The following FRMD4B variants were observed in gnomAD, a reference collection of about 807,000 sequenced individuals.
The protein encoded by FRMD4B is FERM domain-containing protein 4B.
In FRMD4B, 74 loss-of-function variants were observed where a neutral mutation model predicts 141.5. That is an observed-to-expected ratio of 0.52 (90% CI 0.43 to 0.63). The LOEUF (loss-of-function observed/expected upper bound fraction) is 0.63. Ranked by LOEUF, FRMD4B falls within the 30% of genes least tolerant of loss-of-function variation. The pLI is 0.00. For synonymous variants in FRMD4B, 506 were observed against 467.9 expected (o/e 1.08, Z -1.05); for missense variants, 1,366 against 1,253.4 (o/e 1.09, Z -1.36).
At chr3:69,466,208 C>T (rs958905808) in intron 1 of FRMD4B, among the ~76,000 whole-genome samples, 1 of 152,134 alleles carries the variant, frequency 6.6e-6, no homozygotes, top group Non-Finnish European at 1.5e-5. Flanking sequence ...AGTGTCTGTT[C>T]ATATCCTTTG....
At chr3:69,451,583 G>A (rs1705498978) in intron 1 of FRMD4B, among the ~76,000 whole-genome samples, 1 of 152,152 alleles carries the variant, frequency 6.6e-6, no homozygotes, top group Non-Finnish European at 1.5e-5. Flanking sequence ...CCACCCACAA[G>A]TGCAGAGACA....
intron 5 of FRMD4B, among the ~76,000 whole-genome samples, chr3:69,270,359 A>C (rs1176077468): frequency 6.6e-6 from 1 of 152,230 alleles, no homozygotes; most frequent in Non-Finnish European, 1.5e-5. Flanking sequence ...GAAGCACTGC[A>C]GGAAGGAAAA....
intron 11 of FRMD4B, among the ~76,000 whole-genome samples, chr3:69,205,928 C>T (rs28456076): frequency 0.013 from 2,002 of 152,280 alleles, 52 homozygotes; most frequent in African/African-American, 0.045. Context: ...AAATGCTACC[C>T]ACTAGAGGGG....
intron 1 of FRMD4B, among the ~76,000 whole-genome samples, chr3:69,384,298 C>T (rs1328572351): frequency 6.6e-6 from 1 of 152,186 alleles, no homozygotes; most frequent in Admixed American, 6.5e-5. Flanking sequence ...TTGAATTGGT[C>T]AGTAACAGTA....
At chr3:69,419,741 G>A (rs757515328) in intron 2 of FRMD4B, among the ~76,000 whole-genome samples, 2 of 152,196 alleles carry the variant, frequency 1.3e-5, no homozygotes, top group African/African-American at 2.4e-5. Context: ...AAGAGGCCTT[G>A]TAAAGTCAAG....
intron 1 of FRMD4B, among the ~76,000 whole-genome samples, chr3:69,482,916 C>T (rs879858570): frequency 6.7e-6 from 1 of 149,446 alleles, no homozygotes; most frequent in Non-Finnish European, 1.5e-5. Flanking sequence ...AACACCAATT[C>T]TACCCCCTGT....
At chr3:69,262,407 C>G (rs2093533230) in intron 5 of FRMD4B, among the ~76,000 whole-genome samples, 1 of 147,704 alleles carries the variant, frequency 6.8e-6, no homozygotes, top group Non-Finnish European at 1.5e-5. Context: ...GCACTAGGAT[C>G]TTCAAAGCAG....
chr3:69,539,669 A>G (rs1701136206), intron 1 of FRMD4B, among the ~76,000 whole-genome samples: 2 of 152,306 alleles, frequency 1.3e-5, no homozygotes, highest in Non-Finnish European at 2.9e-5. Flanking sequence ...GTTTAAATGC[A>G]TTACACCTGC....
chr3:69,260,737 G>A (rs2093521730), intron 5 of FRMD4B, among the ~76,000 whole-genome samples: 1 of 152,262 alleles, frequency 6.6e-6, no homozygotes, highest in Admixed American at 6.5e-5. Context: ...GGAACTTGGA[G>A]AACTTTTATG....
chr3:69,337,739 A>G (rs977314024), intron 1 of FRMD4B, among the ~76,000 whole-genome samples: 2 of 152,254 alleles, frequency 1.3e-5, no homozygotes, highest in South Asian at 2.1e-4. Flanking sequence ...GAGAAATGCA[A>G]ATCAAAACCA....
intron 11 of FRMD4B, among the ~76,000 whole-genome samples, chr3:69,216,048 G>A (rs1433249687): frequency 6.6e-6 from 1 of 152,114 alleles, no homozygotes; most frequent in Non-Finnish European, 1.5e-5. Context: ...CAGCTACTTG[G>A]GAGGCTGAGG....
intron 1 of FRMD4B, chr3:69,536,369 C>A (rs1016891745): frequency 1.0e-5 from 7 of 696,406 alleles, no homozygotes; most frequent in Admixed American, 2.2e-5. Flanking sequence ...AGGGGCCTGG[C>A]GAGGAGGCTG....
At chr3:69,386,295 G>T, upstream of FRMD4B, 1 of 264,338 alleles carries the variant, frequency 3.8e-6, no homozygotes, top group Non-Finnish European at 7.1e-6. Flanking sequence ...CCCGGGGCAC[G>T]GGAAGCCCTG....
chr3:69,310,694 G>A (rs1047981914), intron 3 of FRMD4B, among the ~76,000 whole-genome samples: 3 of 151,356 alleles, frequency 2.0e-5, no homozygotes, highest in African/African-American at 4.9e-5. Flanking sequence ...CTTGTTTTGG[G>A]GAGCATATAT....
rs182626160 is a variant in FRMD4B, at chr3:69,360,953, G to A, written c.162+24875C>T. 2.8e-3 allele frequency among the ~76,000 whole-genome samples: 424 copies of A among 152,166 alleles called. 1 individual carries two copies. Among genetic ancestry groups the A allele is most frequent in the Non-Finnish European group, 3.9e-3 (267 of 68,008 alleles). On this transcript the variant is annotated intron_variant, in intron 1 of 22. Transcript: ENST00000398540. ...TAGTGAGAATATTTCTATAATGAGA[G>A]ATTTTTTTCCTTATCTATTAATTGG...
At chr3:69,190,953 C>T (rs975926912) in intron 17 of FRMD4B, among the ~76,000 whole-genome samples, 19 of 152,324 alleles carry the variant, frequency 1.2e-4, no homozygotes, top group Admixed American at 3.3e-4. Flanking sequence ...GTACCTATCA[C>T]GTAGTGCTGG....
Position 69,198,726 on chromosome 3 carries a change from AT to A in FRMD4B, c.924del (p.Lys308AsnfsTer41). The A allele has an allele frequency of 6.4e-7, 1 of 1,568,028 alleles. No individual in the cohort carries two copies. The highest frequency in any genetic ancestry group is 1.2e-5 in the South Asian group (1 of 86,160). On this transcript the variant is annotated frameshift_variant, in exon 12 of 23. Coordinates refer to ENST00000398540, the MANE Select transcript of FRMD4B (RefSeq NM_015123.3). LOFTEE classifies it high-confidence loss of function. The stretch of plus-strand genomic sequence containing the variant: ...CGTGGATCATGAACTTCAACAGCAA[AT>A]TTTTTCTCACGGAAATATAAGTTCT... ...QLENLYFREKKFAVEVHDPRR... is the reference protein window; with the variant it reads ...QLENLYFREKXFAVEVHDPRR...
intron 2 of FRMD4B, among the ~76,000 whole-genome samples, chr3:69,398,221 T>C (rs1285158703): frequency 6.6e-6 from 1 of 152,198 alleles, no homozygotes; most frequent in African/African-American, 2.4e-5. Flanking sequence ...GGTTTTTCTT[T>C]CTGTTTTTCT....
At chr3:69,317,444 G>C (rs1281921872) in intron 1 of FRMD4B, among the ~76,000 whole-genome samples, 1 of 152,084 alleles carries the variant, frequency 6.6e-6, no homozygotes, top group East Asian at 1.9e-4. Flanking sequence ...AGGGAGACAA[G>C]TAGCTAGAAG....
Sources: gnomAD v4.1 joint callset for allele counts (sites outside exome capture counted in the v4.1 genomes callset) on GRCh38, gnomAD v4.1.1 for gene constraint, MANE v1.5 for transcripts, NCBI Gene and HGNC (gene_info 2026-07-23, HGNC 2026-07-21) for gene names.